The following MYO18B variants were observed in gnomAD, a reference collection of about 807,000 sequenced individuals.
The protein encoded by MYO18B is myosin XVIIIB.
A neutral mutation model predicts 273.0 loss-of-function variants in MYO18B; 204 were observed. The ratio of observed to expected loss-of-function variants is 0.75; its 90% CI spans 0.67 to 0.84. MYO18B has a LOEUF of 0.84. MYO18B is among the 40% of genes least tolerant of loss of function. The probability of loss-of-function intolerance (pLI) is 0.00; values close to 1 mark genes in which losing one functional copy is unlikely to be tolerated. For missense variants in MYO18B, 3,212 were observed against 3,287.6 expected (o/e 0.98, Z 0.56); for synonymous variants, 1,330 against 1,305.7 (o/e 1.02, Z -0.40).
At chr22:25,819,293 C>A (rs1010629052) in intron 12 of MYO18B, among the ~76,000 whole-genome samples, 1 of 152,232 alleles carries the variant, frequency 6.6e-6, no homozygotes, top group Non-Finnish European at 1.5e-5. Flanking sequence ...AACCACTCTT[C>A]TTTTCAGAAA....
Position 25,777,719 on chromosome 22 carries a change from G to A in MYO18B, c.2006G>A (p.Cys669Tyr), listed in dbSNP as rs559420010. 2.5e-6 allele frequency: 4 copies of A among 1,611,810 alleles called. No homozygotes were observed. The African/African-American group carries it at 5.3e-5, about 21-fold the overall frequency. ...TGGAGTGGCGCTGGGAAGACCACCT[G>A]CTGTGAGCAGGTCCTGGAACACCTG... ...LGWSGAGKTTCCEQVLEHLVG... is the reference protein window; with the variant it reads ...LGWSGAGKTTYCEQVLEHLVG... Residue 669 changes from cysteine (C) to tyrosine (Y), a missense_variant, in exon 8 of 44, where the codon TGC becomes TAC. Cys to Tyr is a radical substitution (Grantham distance 194). Coordinates refer to ENST00000335473, the MANE Select transcript of MYO18B (RefSeq NM_032608.7).
chr22:25,878,957 G>A (rs1182843059), intron 25 of MYO18B, among the ~76,000 whole-genome samples: 1 of 152,224 alleles, frequency 6.6e-6, no homozygotes, highest in Admixed American at 6.5e-5. Context: ...CCTGTTGAAG[G>A]AATGTAAACA....
rs551938507 is a variant in MYO18B at position 25,841,714 on chromosome 22, C to A, written c.3209-2021C>A. 2.6e-5 allele frequency among the ~76,000 whole-genome samples: 4 copies of A among 152,296 alleles called. No individual in the cohort carries two copies. The East Asian group carries it at 7.7e-4, about 29-fold the overall frequency. ...CATCAACATCCTTTCTTCTTTCTTCCCTGTCCCCTACTCGGTCACGATCCT... is the reference window on the plus strand; with the variant it reads ...CATCAACATCCTTTCTTCTTTCTTCACTGTCCCCTACTCGGTCACGATCCT... On this transcript the variant is annotated intron_variant, in intron 17 of 43. Coordinates refer to ENST00000335473, the MANE Select transcript of MYO18B (RefSeq NM_032608.7).
At chr22:25,895,822 A>T (rs749602913) in intron 28 of MYO18B, among the ~76,000 whole-genome samples, 8 of 150,930 alleles carry the variant, frequency 5.3e-5, no homozygotes, top group Non-Finnish European at 1.0e-4. Flanking sequence ...CTCATGTTGG[A>T]TTTTTTTCCT....
intron 12 of MYO18B, among the ~76,000 whole-genome samples, chr22:25,817,543 A>C (rs889585811): frequency 4.0e-5 from 6 of 151,740 alleles, no homozygotes; most frequent in Non-Finnish European, 8.8e-5. Context: ...GCCTCTTACC[A>C]AAGGAGTGAC....
intron 10 of MYO18B, among the ~76,000 whole-genome samples, chr22:25,783,388 G>A (rs938952610): frequency 6.6e-6 from 1 of 152,242 alleles, no homozygotes; most frequent in South Asian, 2.1e-4. Flanking sequence ...CATAGTAATG[G>A]TGTAATGTGG....
chr22:26,012,322 T>C (rs1453687568), intron 42 of MYO18B, among the ~76,000 whole-genome samples: 1 of 152,236 alleles, frequency 6.6e-6, no homozygotes, highest in Non-Finnish European at 1.5e-5. Context: ...GCTAATCTTA[T>C]TTCAATAGTA....
In MYO18B at chr22:25,868,282, T is replaced by G. The variant is rs748516886; in HGVS notation, c.3886-38T>G. 8 of 1,551,068 alleles carry G rather than the reference T, an allele frequency of 5.2e-6. No individual in the cohort carries two copies. The Admixed American group carries it at 1.5e-4, about 29-fold the overall frequency. On this transcript the variant is annotated intron_variant, in intron 21 of 43. Transcript: ENST00000335473. ...CTTTCCCCTTTAGGATCCTCCTACC[T>G]TCTATGCTGTCTAACTTCTCTCTAA...
At chr22:25,932,402 CTTTTCTTTCTTTTTT>C (rs2092517173) in intron 34 of MYO18B, among the ~76,000 whole-genome samples, 1 of 80,916 alleles carries the variant, frequency 1.2e-5, no homozygotes, top group Non-Finnish European at 3.2e-5. Flanking sequence ...TTTCTTTTTT[CTTTTCTTTCTTTTTT>C]TTTTCTTTGA....
chr22:26,023,658 T>G (rs1718111510), intron 42 of MYO18B, among the ~76,000 whole-genome samples: 1 of 152,148 alleles, frequency 6.6e-6, no homozygotes, highest in Non-Finnish European at 1.5e-5. Flanking sequence ...GCCCTCAATG[T>G]TGCCCTCCTC....
rs566746600 is a variant in MYO18B, at chr22:25,931,923, G to A, written c.5517+10514G>A. Among the ~76,000 whole-genome samples, 16 of 151,108 alleles carry A rather than the reference G, an allele frequency of 1.1e-4. 1 individual carries two copies. The South Asian group carries it at 3.1e-3, about 30-fold the overall frequency. On this transcript the variant is annotated intron_variant, in intron 34 of 43. Coordinates refer to ENST00000335473, the MANE Select transcript of MYO18B (RefSeq NM_032608.7). ...TGTTGTTTGTTTGTTTTTTTGTAGAGATGAGGTTTCACCATGTTGCCCAGG... is the reference window on the plus strand; with the variant it reads ...TGTTGTTTGTTTGTTTTTTTGTAGAAATGAGGTTTCACCATGTTGCCCAGG...
intron 3 of MYO18B, among the ~76,000 whole-genome samples, chr22:25,765,879 G>T (rs187641972): frequency 1.3e-5 from 2 of 152,166 alleles, no homozygotes; most frequent in Admixed American, 6.5e-5. Context: ...TTTCAATATG[G>T]TGTAGACAGT....
chr22:25,866,546 G>A (rs2090891942), intron 21 of MYO18B, among the ~76,000 whole-genome samples: 1 of 151,968 alleles, frequency 6.6e-6, no homozygotes, highest in Non-Finnish European at 1.5e-5. Context: ...TGTGTGTATA[G>A]AACAGTACTA....
At chr22:25,814,079 TG>T (rs2088885896) in intron 12 of MYO18B, among the ~76,000 whole-genome samples, 2 of 152,150 alleles carry the variant, frequency 1.3e-5, no homozygotes, top group African/African-American at 4.8e-5. Flanking sequence ...GAAGTGGCGA[TG>T]CTGGAAGACG....
At position 25,868,302 on chromosome 22, in the gene MYO18B, C is replaced by G; in HGVS notation, c.3886-18C>G. 2.5e-6 allele frequency: 4 copies of G among 1,589,968 alleles called. No homozygotes were observed. Among genetic ancestry groups the G allele is most frequent in the Non-Finnish European group, 3.4e-6 (4 of 1,167,572 alleles). On this transcript the variant is annotated intron_variant, in intron 21 of 43. Coordinates refer to ENST00000335473, the MANE Select transcript of MYO18B (RefSeq NM_032608.7). Reference sequence around the variant, plus strand: ...CTACCTTCTATGCTGTCTAACTTCTCTCTAATTTTTTCCCCAGGCCGTGGA... The same window carrying G: ...CTACCTTCTATGCTGTCTAACTTCTGTCTAATTTTTTCCCCAGGCCGTGGA...
At chr22:25,784,276 ATTAT>A (rs1341906489) in intron 10 of MYO18B, among the ~76,000 whole-genome samples, 1 of 152,192 alleles carries the variant, frequency 6.6e-6, no homozygotes, top group African/African-American at 2.4e-5. Flanking sequence ...ATGCTTCTTA[ATTAT>A]TTGTCAGATT....
chr22:25,994,124 G>A (rs1490789598), intron 40 of MYO18B, among the ~76,000 whole-genome samples: 2 of 152,272 alleles, frequency 1.3e-5, no homozygotes, highest in Non-Finnish European at 1.5e-5. Context: ...CTCCAGTAAC[G>A]ATGTCTGCGC....
chr22:25,981,188 T>A (rs564358578), intron 39 of MYO18B, among the ~76,000 whole-genome samples: 9 of 152,354 alleles, frequency 5.9e-5, no homozygotes, highest in African/African-American at 2.2e-4. Context: ...TACAGTTACA[T>A]TCTGAAGTCC....
At chr22:25,942,815 A>G (rs1482857990) in intron 34 of MYO18B, among the ~76,000 whole-genome samples, 1 of 152,028 alleles carries the variant, frequency 6.6e-6, no homozygotes, top group Non-Finnish European at 1.5e-5. Context: ...CCAGCCCAGT[A>G]TGAGCTAAGA....
Sources: gnomAD v4.1 joint callset for allele counts (sites outside exome capture counted in the v4.1 genomes callset) on GRCh38, gnomAD v4.1.1 for gene constraint, MANE v1.5 for transcripts, NCBI Gene and HGNC (gene_info 2026-07-23, HGNC 2026-07-21) for gene names.